The following PRKCA variants were observed in gnomAD, a reference collection of about 807,000 sequenced individuals.
The protein encoded by PRKCA is protein kinase C alpha type.
In PRKCA, 27 loss-of-function variants were observed where a neutral mutation model predicts 87.0. That is an observed-to-expected ratio of 0.31 (90% CI 0.23 to 0.43). PRKCA has a LOEUF of 0.43. Ranked by LOEUF, PRKCA falls within the 20% of genes least tolerant of loss-of-function variation. The pLI, the probability that PRKCA is intolerant of heterozygous loss-of-function variation, is 1.00. For synonymous variants in PRKCA, 329 were observed against 311.1 expected, an observed-to-expected ratio of 1.06 and a Z score of -0.61; for missense variants, 518 against 852.3, an observed-to-expected ratio of 0.61 and a Z score of 4.88.
chr17:66,634,714 G>T (rs1457541711), intron 3 of PRKCA, among the ~76,000 whole-genome samples: 1 of 152,180 alleles, frequency 6.6e-6, no homozygotes, highest in African/African-American at 2.4e-5. Context: ...TCTGCATTCA[G>T]GTAGTTTTGC....
At chr17:66,688,743 C>T (rs1028273059) in intron 7 of PRKCA, among the ~76,000 whole-genome samples, 5 of 152,112 alleles carry the variant, frequency 3.3e-5, no homozygotes, top group Non-Finnish European at 7.4e-5. Flanking sequence ...GCTGAGGCTG[C>T]AGTGAGCTTT....
intron 8 of PRKCA, among the ~76,000 whole-genome samples, chr17:66,705,264 A>G (rs1431854808): frequency 6.6e-6 from 1 of 152,226 alleles, no homozygotes; most frequent in Non-Finnish European, 1.5e-5. Flanking sequence ...AAACTGATAT[A>G]GGAGACAGGT....
chr17:66,618,392 G>A (rs192285415), intron 3 of PRKCA, among the ~76,000 whole-genome samples: 71 of 148,944 alleles, frequency 4.8e-4, no homozygotes, highest in Admixed American at 1.7e-3. Context: ...TCATTTCTTC[G>A]TTCACTCTCA....
chr17:66,423,016 C>T (rs1447500821), intron 2 of PRKCA, among the ~76,000 whole-genome samples: 1 of 152,004 alleles, frequency 6.6e-6, no homozygotes, highest in African/African-American at 2.4e-5. Flanking sequence ...GAGGCTGAGG[C>T]AGGAGAATCG....
intron 14 of PRKCA, chr17:66,774,561 C>A: frequency 1.1e-6 from 1 of 893,232 alleles, no homozygotes; most frequent in Non-Finnish European, 1.4e-6. Context: ...GCGGAGGCTG[C>A]AGTGAGCCAA....
At chr17:66,501,345 A>G (rs1916720912) in intron 3 of PRKCA, among the ~76,000 whole-genome samples, 1 of 152,222 alleles carries the variant, frequency 6.6e-6, no homozygotes. Context: ...CCAATTTCTC[A>G]AGGGTCCTCT....
intron 13 of PRKCA, among the ~76,000 whole-genome samples, chr17:66,743,862 G>T (rs932937234): frequency 6.6e-6 from 1 of 152,202 alleles, no homozygotes; most frequent in African/African-American, 2.4e-5. Context: ...CACAAGCTCA[G>T]AAGTCAGACC....
chr17:66,374,426 C>T (rs72846682), intron 2 of PRKCA, among the ~76,000 whole-genome samples: 2,949 of 152,268 alleles, frequency 0.019, 55 homozygotes, highest in Non-Finnish European at 0.033. Flanking sequence ...CAAGGTCACA[C>T]GGGTGTCGCC....
At chr17:66,349,449 G>A (rs1236233748) in intron 2 of PRKCA, among the ~76,000 whole-genome samples, 1 of 152,140 alleles carries the variant, frequency 6.6e-6, no homozygotes, top group Non-Finnish European at 1.5e-5. Context: ...TGTAGACCTG[G>A]CTTGGTGAGT....
chr17:66,712,728 A>G (rs1056609569), intron 8 of PRKCA, among the ~76,000 whole-genome samples: 3 of 152,164 alleles, frequency 2.0e-5, no homozygotes, highest in African/African-American at 7.2e-5. Context: ...CAAGGGTTCA[A>G]ATCCCAGCTC....
At chr17:66,307,577 T>G (rs1454757699) in intron 2 of PRKCA, among the ~76,000 whole-genome samples, 1 of 152,196 alleles carries the variant, frequency 6.6e-6, no homozygotes, top group Non-Finnish European at 1.5e-5. Context: ...CTAAAACTTT[T>G]ATCATTTTCT....
chr17:66,403,187 C>G (rs1216158229), intron 2 of PRKCA, among the ~76,000 whole-genome samples: 1 of 152,128 alleles, frequency 6.6e-6, no homozygotes, highest in Non-Finnish European at 1.5e-5. Flanking sequence ...AAATCTTATG[C>G]TGGGGACATA....
At chr17:66,317,857 C>G (rs1442031482) in intron 2 of PRKCA, among the ~76,000 whole-genome samples, 2 of 152,040 alleles carry the variant, frequency 1.3e-5, no homozygotes, top group Non-Finnish European at 2.9e-5. Flanking sequence ...ATGAACTGTC[C>G]TAAAATGTGA....
At chr17:66,547,054 C>T (rs1411245271) in intron 3 of PRKCA, among the ~76,000 whole-genome samples, 3 of 152,102 alleles carry the variant, frequency 2.0e-5, no homozygotes, top group African/African-American at 7.2e-5. Context: ...TTATTTCTTG[C>T]CTTTTGTCTT....
intron 2 of PRKCA, among the ~76,000 whole-genome samples, chr17:66,314,873 ATATGTGTG>A (rs1425590218): frequency 9.2e-6 from 1 of 108,694 alleles, no homozygotes. Context: ...AGATATATAT[ATATGTGTG>A]TGTGTGTGTG....
intron 13 of PRKCA, among the ~76,000 whole-genome samples, chr17:66,761,748 G>A (rs1974690941): frequency 6.6e-6 from 1 of 151,778 alleles, no homozygotes; most frequent in Non-Finnish European, 1.5e-5. Context: ...TTTATATAAT[G>A]CACTTTGTCC....
At chr17:66,346,101 T>A (rs1327176120) in intron 2 of PRKCA, among the ~76,000 whole-genome samples, 1 of 151,528 alleles carries the variant, frequency 6.6e-6, no homozygotes, top group African/African-American at 2.4e-5. Context: ...TTTTGCTTTT[T>A]TTTTTTTTTT....
At chr17:66,732,091 T>A (rs1973912810) in intron 8 of PRKCA, among the ~76,000 whole-genome samples, 1 of 150,028 alleles carries the variant, frequency 6.7e-6, no homozygotes, top group Non-Finnish European at 1.5e-5. Context: ...CCATGTCTTT[T>A]TGTGAGTTCA....
chr17:66,351,564 A>G (rs185129228), intron 2 of PRKCA, among the ~76,000 whole-genome samples: 35 of 152,300 alleles, frequency 2.3e-4, no homozygotes, highest in African/African-American at 7.9e-4. Context: ...TAAAAAATAG[A>G]TTTTGACATT....
Sources: gnomAD v4.1 joint callset for allele counts (sites outside exome capture counted in the v4.1 genomes callset) on GRCh38, gnomAD v4.1.1 for gene constraint, MANE v1.5 for transcripts, NCBI Gene and HGNC (gene_info 2026-07-23, HGNC 2026-07-21) for gene names.